SEL1L3: variants seen among roughly 807,000 people sequenced by gnomAD.
The protein encoded by SEL1L3 is protein sel-1 homolog 3.
In SEL1L3, 76 loss-of-function variants were observed where a neutral mutation model predicts 142.8. The observed-to-expected ratio is 0.53, with a 90% CI of 0.44 to 0.64. SEL1L3 has a LOEUF of 0.64. Ranked by LOEUF, SEL1L3 falls within the 30% of genes least tolerant of loss-of-function variation. The pLI is 0.00. For missense variants in SEL1L3, 1,262 were observed against 1,381.7 expected, an observed-to-expected ratio of 0.91 and a Z score of 1.37; for synonymous variants, 504 against 519.6, an observed-to-expected ratio of 0.97 and a Z score of 0.41.
At chr4:25,838,234 T>C (rs997152485) in intron 2 of SEL1L3, among the ~76,000 whole-genome samples, 3 of 152,204 alleles carry the variant, frequency 2.0e-5, no homozygotes, top group African/African-American at 7.2e-5. Flanking sequence ...TAGCTTATTT[T>C]GCATGAAGAG....
chr4:25,755,943 G>T (rs766915043), intron 23 of SEL1L3: 20 of 985,368 alleles, frequency 2.0e-5, no homozygotes, highest in Non-Finnish European at 2.4e-5. Context: ...GACAGAATTT[G>T]CATGAGTGAA....
At chr4:25,776,870 G>A (rs1277696446) in intron 16 of SEL1L3, among the ~76,000 whole-genome samples, 2 of 151,002 alleles carry the variant, frequency 1.3e-5, no homozygotes, top group East Asian at 3.9e-4. Flanking sequence ...ACAAAGGAAG[G>A]GTAAGAAAAG....
At chr4:25,809,088 A>T (rs1471669971) in intron 9 of SEL1L3, among the ~76,000 whole-genome samples, 8 of 149,742 alleles carry the variant, frequency 5.3e-5, no homozygotes, top group Non-Finnish European at 1.0e-4. Flanking sequence ...AAAAAAAAAA[A>T]GCCTATTTGT....
intron 11 of SEL1L3, among the ~76,000 whole-genome samples, chr4:25,799,275 A>G (rs1404739635): frequency 6.6e-6 from 1 of 151,994 alleles, no homozygotes; most frequent in African/African-American, 2.4e-5. Context: ...GGGTCTCACT[A>G]TGTTGCCCAG....
chr4:25,852,426 G>A (rs1467295502), intron 1 of SEL1L3, among the ~76,000 whole-genome samples: 1 of 152,156 alleles, frequency 6.6e-6, no homozygotes, highest in Non-Finnish European at 1.5e-5. Context: ...CCCAGCATTT[G>A]TCCATAAGTG....
At chr4:25,832,086 G>C (rs1224836444) in intron 5 of SEL1L3, among the ~76,000 whole-genome samples, 1 of 152,134 alleles carries the variant, frequency 6.6e-6, no homozygotes, top group Non-Finnish European at 1.5e-5. Flanking sequence ...CTATGTCACT[G>C]AACATTTTTA....
chr4:25,789,129 T>C (rs1212575177), intron 12 of SEL1L3, among the ~76,000 whole-genome samples: 2 of 152,206 alleles, frequency 1.3e-5, no homozygotes, highest in African/African-American at 2.4e-5. Flanking sequence ...CAACGTGTGT[T>C]AACATTCTAG....
chr4:25,717,453 G>T, the SEL1L3 span, among the ~76,000 whole-genome samples: 1 of 152,086 alleles, frequency 6.6e-6, no homozygotes, highest in Non-Finnish European at 1.5e-5. Flanking sequence ...ATGACCTGAG[G>T]TCAGGAGTTT....
chr4:25,762,307 G>A (rs1718425952), intron 20 of SEL1L3, among the ~76,000 whole-genome samples: 1 of 152,188 alleles, frequency 6.6e-6, no homozygotes, highest in Non-Finnish European at 1.5e-5. Flanking sequence ...TATAAGGAAA[G>A]TATTCAAACT....
chr4:25,763,531 T>G (rs1718519269), intron 20 of SEL1L3, among the ~76,000 whole-genome samples: 1 of 151,834 alleles, frequency 6.6e-6, no homozygotes, highest in Non-Finnish European at 1.5e-5. Context: ...ATGTTGTACC[T>G]CCATTAAAAA....
At chr4:25,806,271 TC>T (rs1465027071) in intron 9 of SEL1L3, among the ~76,000 whole-genome samples, 1 of 151,858 alleles carries the variant, frequency 6.6e-6, no homozygotes, top group African/African-American at 2.4e-5. Context: ...TTTCCTGACG[TC>T]GTGATCCGCC....
chr4:25,837,903 A>G (rs569833705), intron 2 of SEL1L3, among the ~76,000 whole-genome samples: 1 of 152,340 alleles, frequency 6.6e-6, no homozygotes, highest in African/African-American at 2.4e-5. Flanking sequence ...CAACAATACC[A>G]GTGCCATCCA....
rs1389607775 is a variant in SEL1L3, at chr4:25,747,880, C to T, written c.*545G>A. On this transcript the variant is annotated 3_prime_UTR_variant, in exon 24 of 24. Transcript: ENST00000399878. Reference sequence around the variant, plus strand: ...AACCAATTTACAAAGCTATTGCCCTCCCTGCATTTCCAGGCACAAACAATT... The same window carrying T: ...AACCAATTTACAAAGCTATTGCCCTTCCTGCATTTCCAGGCACAAACAATT... The T allele has an allele frequency of 2.0e-5, 3 of 152,868 alleles. No individual in the cohort carries two copies. Among genetic ancestry groups the T allele is most frequent in the East Asian group, 3.9e-4 (2 of 5,190 alleles). 9.5% of individuals were successfully genotyped at this position (152,868 alleles called of 1,614,324 possible). A position where few individuals can be genotyped will look rare whatever the true frequency, so the allele number is the denominator to read the frequency against.
At chr4:25,736,242 T>TGTGA in the SEL1L3 span, among the ~76,000 whole-genome samples, 1 of 150,442 alleles carries the variant, frequency 6.6e-6, no homozygotes, top group Non-Finnish European at 1.5e-5. Flanking sequence ...TGTGTGTGTG[T>TGTGA]GATGGAGTTT....
At chr4:25,809,463 A>G (rs1309211736) in intron 9 of SEL1L3, among the ~76,000 whole-genome samples, 1 of 151,956 alleles carries the variant, frequency 6.6e-6, no homozygotes, top group East Asian at 1.9e-4. Flanking sequence ...TTTATTTTTT[A>G]AATAGAGACA....
At chr4:25,800,811 A>G (rs1340002780) in intron 11 of SEL1L3, among the ~76,000 whole-genome samples, 1 of 152,250 alleles carries the variant, frequency 6.6e-6, no homozygotes, top group African/African-American at 2.4e-5. Flanking sequence ...GAATGCCTAC[A>G]TAGACAGCCT....
At chr4:25,856,160 A>AT (rs1396244816) in intron 1 of SEL1L3, among the ~76,000 whole-genome samples, 5 of 152,134 alleles carry the variant, frequency 3.3e-5, no homozygotes, top group African/African-American at 1.2e-4. Flanking sequence ...TACAAATTAA[A>AT]TTTTTAAGAT....
At chr4:25,752,605 A>G (rs1717676977) in intron 23 of SEL1L3, among the ~76,000 whole-genome samples, 1 of 152,062 alleles carries the variant, frequency 6.6e-6, no homozygotes. Context: ...CTTGAGAACT[A>G]CCAGCTAACA....
chr4:25,838,864 G>C (rs557227185), intron 2 of SEL1L3, among the ~76,000 whole-genome samples: 1 of 152,320 alleles, frequency 6.6e-6, no homozygotes, highest in East Asian at 1.9e-4. Context: ...TCAGAACCCT[G>C]ACACAGATCC....
Sources: allele counts gnomAD v4.1 joint callset (sites outside exome capture counted in the v4.1 genomes callset), GRCh38; gene constraint gnomAD v4.1.1; transcripts MANE v1.5; gene names NCBI Gene and HGNC (gene_info 2026-07-23, HGNC 2026-07-21).